Variants in LRRIQ3 observed in about 807,000 individuals in gnomAD.
The protein encoded by LRRIQ3 is leucine rich repeats and IQ motif containing 3.
Under a neutral mutation model 59.3 loss-of-function variants are expected in LRRIQ3, and 75 were observed. That is an observed-to-expected ratio of 1.26 (90% CI 1.05 to 1.53). LRRIQ3 has a LOEUF of 1.53. LRRIQ3 is among the 40% of genes most tolerant of loss of function. LRRIQ3 has a pLI of 0.00. For synonymous variants in LRRIQ3, 250 were observed against 231.3 expected (o/e 1.08, Z -0.73); for missense variants, 831 against 710.0 (o/e 1.17, Z -1.94).
At chr1:74,101,895 A>T (rs969411652) in intron 5 of LRRIQ3, among the ~76,000 whole-genome samples, 1 of 151,900 alleles carries the variant, frequency 6.6e-6, no homozygotes, top group Non-Finnish European at 1.5e-5. Flanking sequence ...AACATCACAC[A>T]CTGGGGCCTG....
In LRRIQ3 at chr1:74,100,547, G is replaced by GA. The variant is rs558644517; in HGVS notation, c.867+8846dup. Among the ~76,000 whole-genome samples the GA allele has an allele frequency of 2.7e-4, 41 of 152,176 alleles. 1 individual carries two copies. In the South Asian group the frequency reaches 8.5e-3, roughly 32 times the overall value. ...ACTAATGACTTTCTTCACAGAATTG[G>GA]AAAAAACTACTTTCAAGTTCATATG... On this transcript the variant is annotated intron_variant, in intron 5 of 7. Transcript: ENST00000354431.
chr1:74,146,551 A>G (rs1234331092), intron 4 of LRRIQ3, among the ~76,000 whole-genome samples: 2 of 152,220 alleles, frequency 1.3e-5, no homozygotes, highest in Non-Finnish European at 1.5e-5. Flanking sequence ...ACATTTGTAT[A>G]TAATTTCATA....
intron 2 of LRRIQ3, 193 bp downstream of exon 2, chr1:74,183,239 CTATT>C (rs1281613833): frequency 3.6e-5 from 15 of 411,468 alleles, no homozygotes; most frequent in Non-Finnish European, 4.7e-5. Context: ...AGATTACACA[CTATT>C]TATGTATTTT....
chr1:74,155,822 A>T lies in LRRIQ3; in HGVS notation c.618T>A (p.Thr206=), dbSNP rs1158389492. ...EEEINNIKHI[T]SKINAILAHN... ...GAGCCAGAATTGCATTAATTTTTGAAGTAATATGTTTAATATTATTAATTT... is the reference window on the plus strand; with the variant it reads ...GAGCCAGAATTGCATTAATTTTTGATGTAATATGTTTAATATTATTAATTT... The change falls in exon 4 of 8, where the codon ACT becomes ACA. Residue 206 remains threonine (T), a synonymous_variant. Transcript: ENST00000354431. 1.3e-6 allele frequency: 2 copies of T among 1,579,280 alleles called. No homozygotes were observed. Among genetic ancestry groups the T allele is most frequent in the Non-Finnish European group, 8.6e-7 (1 of 1,163,092 alleles).
At chr1:74,186,835 A>G in intron 1 of LRRIQ3, among the ~76,000 whole-genome samples, 1 of 152,132 alleles carries the variant, frequency 6.6e-6, no homozygotes. Context: ...TAGTGTAATT[A>G]AGGATATATT....
chr1:74,069,356 C>G (rs1162217692), intron 6 of LRRIQ3, among the ~76,000 whole-genome samples: 1 of 151,878 alleles, frequency 6.6e-6, no homozygotes, highest in Non-Finnish European at 1.5e-5. Flanking sequence ...CAGTATAAAT[C>G]AAGAAATTTG....
intron 6 of LRRIQ3, among the ~76,000 whole-genome samples, chr1:74,069,858 G>A (rs1654971422): frequency 6.6e-6 from 1 of 151,794 alleles, no homozygotes; most frequent in Non-Finnish European, 1.5e-5. Context: ...TGAATGCCTA[G>A]GGCTGATAAA....
At chr1:74,103,000 T>C (rs111288532) in intron 5 of LRRIQ3, among the ~76,000 whole-genome samples, 2,821 of 152,030 alleles carry the variant, frequency 0.019, 38 homozygotes, top group South Asian at 0.033. Flanking sequence ...GAACTACAAT[T>C]ATCTTTAGCC....
At chr1:74,052,578 T>C (rs945366996) in intron 6 of LRRIQ3, among the ~76,000 whole-genome samples, 1 of 152,148 alleles carries the variant, frequency 6.6e-6, no homozygotes, top group Non-Finnish European at 1.5e-5. Flanking sequence ...GGTAGACATC[T>C]CTAATATCCT....
chr1:74,130,814 T>G (rs1163156970), intron 4 of LRRIQ3, among the ~76,000 whole-genome samples: 1 of 151,930 alleles, frequency 6.6e-6, no homozygotes, highest in Non-Finnish European at 1.5e-5. Context: ...ACATCACAAT[T>G]AAAAGAACTA....
chr1:74,086,529 C>T (rs780774508), intron 5 of LRRIQ3, among the ~76,000 whole-genome samples: 1 of 152,102 alleles, frequency 6.6e-6, no homozygotes, highest in African/African-American at 2.4e-5. Context: ...TACTGTCATA[C>T]TAGCCCAGTC....
At chr1:74,154,237 TCTCAAAAAA>T (rs1467870196) in intron 4 of LRRIQ3, among the ~76,000 whole-genome samples, 2 of 44,570 alleles carry the variant, frequency 4.5e-5, no homozygotes, top group Non-Finnish European at 7.3e-5. Flanking sequence ...CGAGACTCCT[TCTCAAAAAA>T]AAAAAAAAAA....
intron 4 of LRRIQ3, among the ~76,000 whole-genome samples, chr1:74,136,550 A>T (rs551556905): frequency 1.3e-4 from 20 of 151,906 alleles, no homozygotes; most frequent in Admixed American, 2.0e-4. Flanking sequence ...AGATCTAATT[A>T]TATATATATT....
chr1:74,118,825 C>A (rs1453095345), intron 4 of LRRIQ3, among the ~76,000 whole-genome samples: 1 of 152,090 alleles, frequency 6.6e-6, no homozygotes, highest in Non-Finnish European at 1.5e-5. Flanking sequence ...AATTCCAACT[C>A]TGCAGTCTCA....
intron 1 of LRRIQ3, among the ~76,000 whole-genome samples, chr1:74,188,268 G>A (rs1650538602): frequency 6.6e-6 from 1 of 152,122 alleles, no homozygotes; most frequent in African/African-American, 2.4e-5. Flanking sequence ...CCTACTAGAG[G>A]GAGGAGAGTG....
chr1:74,075,642 G>A (rs996158165), intron 5 of LRRIQ3, among the ~76,000 whole-genome samples: 3 of 152,072 alleles, frequency 2.0e-5, no homozygotes, highest in Non-Finnish European at 4.4e-5. Context: ...AGCTTCATGG[G>A]GAACAGAGGC....
chr1:74,050,987 G>C (rs770237307), intron 6 of LRRIQ3, among the ~76,000 whole-genome samples: 28 of 152,096 alleles, frequency 1.8e-4, no homozygotes, highest in Non-Finnish European at 3.7e-4. Flanking sequence ...AAAGAATATA[G>C]TTTATGAAAC....
intron 5 of LRRIQ3, among the ~76,000 whole-genome samples, chr1:74,089,747 GTGA>G (rs1646375307): frequency 6.6e-6 from 1 of 151,998 alleles, no homozygotes; most frequent in Non-Finnish European, 1.5e-5. Context: ...TATTTAATTA[GTGA>G]TGATCGTTTC....
At chr1:74,055,948 T>C (rs1424972194) in intron 6 of LRRIQ3, among the ~76,000 whole-genome samples, 1 of 151,846 alleles carries the variant, frequency 6.6e-6, no homozygotes, top group Non-Finnish European at 1.5e-5. Flanking sequence ...ATCAAGATCA[T>C]CCTGGCTAAC....
Sources: gnomAD v4.1 joint callset for allele counts (sites outside exome capture counted in the v4.1 genomes callset) on GRCh38, gnomAD v4.1.1 for gene constraint, MANE v1.5 for transcripts, NCBI Gene and HGNC (gene_info 2026-07-23, HGNC 2026-07-21) for gene names.